ALOX5AP: variants seen among roughly 807,000 people sequenced by gnomAD.
ALOX5AP encodes the protein arachidonate 5-lipoxygenase-activating protein.
Under a neutral mutation model 18.5 loss-of-function variants are expected in ALOX5AP, and 9 were observed. The observed-to-expected ratio is 0.49, with a 90% confidence interval of 0.29 to 0.85. The LOEUF (loss-of-function observed/expected upper bound fraction) is 0.85, where lower values mean the gene tolerates loss of function less well. ALOX5AP is among the 40% of genes least tolerant of loss of function. The probability of loss-of-function intolerance (pLI) is 0.08; values close to 1 mark genes in which losing one functional copy is unlikely to be tolerated. For missense variants in ALOX5AP, 172 were observed against 202.5 expected, an observed-to-expected ratio of 0.85 and a Z score of 0.91; for synonymous variants, 81 against 78.6, an observed-to-expected ratio of 1.03 and a Z score of -0.16.
At chr13:30,756,141 T>C in intron 4 of ALOX5AP, 116 bp downstream of exon 4, 1 of 983,290 alleles carries the variant, frequency 1.0e-6, no homozygotes, top group Non-Finnish European at 1.6e-6. Flanking sequence ...TCCCCTTGGG[T>C]GGGAGGGGGA....
chr13:30,731,009 G>C (rs919082855), upstream of ALOX5AP, among the ~76,000 whole-genome samples: 10 of 152,258 alleles, frequency 6.6e-5, no homozygotes, highest in Admixed American at 4.6e-4. Flanking sequence ...TACGGAGAGC[G>C]CTGGGAGCAG....
At chr13:30,713,636 G>A (rs1566076218) in exon 1 of ALOX5AP, 3 of 924,858 alleles carry the variant, frequency 3.2e-6, no homozygotes, top group Non-Finnish European at 5.0e-6. Flanking sequence ...TTTTGAAGAG[G>A]AGGACCCTGT....
At chr13:30,755,816 TG>T in intron 3 of ALOX5AP, 127 bp from the exon 4 acceptor site, 1 of 824,122 alleles carries the variant, frequency 1.2e-6, no homozygotes. Context: ...CTCTAGCCCT[TG>T]GGCTCTTTTC....
In ALOX5AP at chr13:30,763,949, CT is replaced by C; in HGVS notation, c.330del (p.Gly111AlafsTer37). 6.2e-7 allele frequency: 1 copy of C among 1,613,746 alleles called. No individual in the cohort carries two copies. On this transcript the variant is annotated frameshift_variant, in exon 5 of 5. Coordinates refer to ENST00000380490, the MANE Select transcript of ALOX5AP (RefSeq NM_001629.4). LOFTEE classifies it high-confidence loss of function. ...TCTTTTTCCTTCTCTTCCAGCACCC[CT>C]GGCTACATATTTGGGAAACGCATCA... ...GYLGERTQST[P>X]GYIFGKRIIL...
chr13:30,741,556 A>G (rs113731287), intron 1 of ALOX5AP, among the ~76,000 whole-genome samples: 1 of 24,012 alleles, frequency 4.2e-5, no homozygotes, highest in South Asian at 2.3e-3. Flanking sequence ...CCCCACCCCC[A>G]CCCCCCAACA....
intron 1 of ALOX5AP, among the ~76,000 whole-genome samples, chr13:30,723,960 T>C (rs1260979277): frequency 6.6e-6 from 1 of 152,146 alleles, no homozygotes; most frequent in Non-Finnish European, 1.5e-5. Context: ...TTACATACCA[T>C]AAAAGTACTC....
At chr13:30,737,230 C>G (rs1257020634) in intron 1 of ALOX5AP, among the ~76,000 whole-genome samples, 1 of 152,224 alleles carries the variant, frequency 6.6e-6, no homozygotes, top group Non-Finnish European at 1.5e-5. Flanking sequence ...CTCACTCTCT[C>G]CAGCTCCCTC....
chr13:30,715,252 A>G (rs1294252006), intron 1 of ALOX5AP, among the ~76,000 whole-genome samples: 1 of 152,156 alleles, frequency 6.6e-6, no homozygotes, highest in African/African-American at 2.4e-5. Context: ...GCAATAATAT[A>G]ATACCTGTCT....
chr13:30,759,119 A>AT (rs1951920199), intron 4 of ALOX5AP, among the ~76,000 whole-genome samples: 1 of 152,168 alleles, frequency 6.6e-6, no homozygotes, highest in Non-Finnish European at 1.5e-5. Flanking sequence ...CATGATGCCC[A>AT]GCCTGAATCT....
chr13:30,722,687 T>C (rs890997352), intron 1 of ALOX5AP, among the ~76,000 whole-genome samples: 11 of 152,258 alleles, frequency 7.2e-5, no homozygotes. Context: ...TGTTGACATT[T>C]TATCCCTAAT....
intron 4 of ALOX5AP, among the ~76,000 whole-genome samples, chr13:30,760,899 T>C (rs1593447017): frequency 6.6e-6 from 1 of 151,936 alleles, no homozygotes; most frequent in African/African-American, 2.4e-5. Context: ...GAGTCTTCTG[T>C]GGTTGGTATA....
intron 4 of ALOX5AP, among the ~76,000 whole-genome samples, chr13:30,763,340 CA>C (rs951060989): frequency 2.6e-5 from 4 of 152,098 alleles, no homozygotes; most frequent in Non-Finnish European, 5.9e-5. Context: ...ACAATAACAA[CA>C]AAAACCAAGT....
chr13:30,735,400 A>G (rs1272859839), upstream of ALOX5AP: 2 of 1,144,740 alleles, frequency 1.7e-6, no homozygotes, highest in East Asian at 2.6e-5. Context: ...GGTGGGACAC[A>G]CTGAACCACA....
rs1383209302 is a variant in ALOX5AP at position 30,756,000 on chromosome 13, G to A, written c.298G>A (p.Gly100Ser). ...GTTTGTGAGGCAAAAGTACTTTGTCGGTTACCTAGGAGAGAGAACGCAGAG... is the reference window on the plus strand; with the variant it reads ...GTTTGTGAGGCAAAAGTACTTTGTCAGTTACCTAGGAGAGAGAACGCAGAG... ...YLFVRQKYFV[G>S]YLGERTQSTP... Residue 100 changes from glycine (G) to serine (S), a missense_variant, in exon 4 of 5, where the codon GGT becomes AGT. Gly to Ser is a moderately conservative substitution (Grantham distance 56). Coordinates refer to ENST00000380490, the MANE Select transcript of ALOX5AP (RefSeq NM_001629.4). 2 of 1,614,086 alleles carry A rather than the reference G, an allele frequency of 1.2e-6. No individual in the cohort carries two copies. The highest frequency in any genetic ancestry group is 1.7e-5 in the Admixed American group (1 of 60,014).
intron 1 of ALOX5AP, among the ~76,000 whole-genome samples, chr13:30,742,915 C>T (rs1365244615): frequency 7.1e-6 from 1 of 139,862 alleles, no homozygotes; most frequent in Non-Finnish European, 1.5e-5. Context: ...GACTGTGTCT[C>T]CTTGGCATCT....
At chr13:30,753,386 T>C (rs985134744) in intron 3 of ALOX5AP, among the ~76,000 whole-genome samples, 2 of 152,248 alleles carry the variant, frequency 1.3e-5, no homozygotes, top group African/African-American at 2.4e-5. Flanking sequence ...GTTATGGTTC[T>C]TTTTATGTCT....
At chr13:30,718,897 C>A (rs1025274166) in intron 1 of ALOX5AP, among the ~76,000 whole-genome samples, 3 of 152,360 alleles carry the variant, frequency 2.0e-5, no homozygotes, top group East Asian at 1.9e-4. Flanking sequence ...GCCTTACAGT[C>A]TTCCCTTGAT....
chr13:30,744,273 G>A lies in ALOX5AP; in HGVS notation c.170+114G>A, dbSNP rs553701411. The stretch of plus-strand genomic sequence containing the variant: ...GTCTGTCTGAGCCAAGTTTCTGAGC[G>A]CCAGGGAGGTGAGGAAGGTTGGACT... On this transcript the variant is annotated intron_variant, in intron 2 of 4. Transcript: ENST00000380490. 205 of 906,340 alleles carry A rather than the reference G, an allele frequency of 2.3e-4. 2 individuals carry two copies. In the African/African-American group the frequency reaches 2.4e-3, roughly 10 times the overall value. The allele number at this position is 906,340 out of a possible 1,614,324, so 56.1% of individuals were successfully genotyped here.
intron 1 of ALOX5AP, among the ~76,000 whole-genome samples, chr13:30,719,721 T>G (rs545946468): frequency 1.1e-4 from 16 of 152,342 alleles, no homozygotes; most frequent in African/African-American, 3.4e-4. Flanking sequence ...ATGGACAAGT[T>G]CCAAGTGAGT....
Sources: allele counts gnomAD v4.1 joint callset (sites outside exome capture counted in the v4.1 genomes callset), GRCh38; gene constraint gnomAD v4.1.1; transcripts MANE v1.5; gene names NCBI Gene and HGNC (gene_info 2026-07-23, HGNC 2026-07-21).